The following PREX1 variants were observed in gnomAD, a reference collection of about 807,000 sequenced individuals.
PREX1 encodes the protein phosphatidylinositol-3,4,5-trisphosphate dependent Rac exchange factor 1, also known as phosphatidylinositol 3,4,5-trisphosphate-dependent Rac exchanger 1 protein.
PREX1 carries 41 observed loss-of-function variants against 198.3 expected under a neutral mutation model. That is an observed-to-expected ratio of 0.21 (90% CI 0.16 to 0.27). The LOEUF is 0.27. PREX1 is among the 10% of genes least tolerant of loss of function. The pLI, the probability that PREX1 is intolerant of heterozygous loss-of-function variation, is 1.00. For missense variants in PREX1, 1,620 were observed against 2,200.7 expected (o/e 0.74, Z 5.28); for synonymous variants, 843 against 887.2 (o/e 0.95, Z 0.89).
chr20:48,826,623 G>A (rs982646031), intron 1 of PREX1, among the ~76,000 whole-genome samples: 7 of 152,188 alleles, frequency 4.6e-5, no homozygotes, highest in Non-Finnish European at 7.4e-5. Context: ...TGGAGGCCGA[G>A]GTCGGCGGAT....
the PREX1 span, among the ~76,000 whole-genome samples, chr20:48,853,647 C>T: frequency 3.3e-5 from 5 of 152,122 alleles, no homozygotes; most frequent in South Asian, 4.1e-4. Context: ...CCTTGGTACA[C>T]CATGCACACA....
At chr20:48,864,828 TG>T in the PREX1 span, among the ~76,000 whole-genome samples, 1 of 152,214 alleles carries the variant, frequency 6.6e-6, no homozygotes, top group African/African-American at 2.4e-5. Context: ...GTGGTCCCTG[TG>T]GACCAGGGGG....
At chr20:48,852,048 A>AT in the PREX1 span, among the ~76,000 whole-genome samples, 160 of 146,202 alleles carry the variant, frequency 1.1e-3, no homozygotes, top group African/African-American at 3.4e-3. Flanking sequence ...GTCTGCACCT[A>AT]TTTTTTTTTT....
At chr20:48,857,337 CATA>C in the PREX1 span, among the ~76,000 whole-genome samples, 1 of 152,170 alleles carries the variant, frequency 6.6e-6, no homozygotes, top group Admixed American at 6.5e-5. Flanking sequence ...TATAAGATAA[CATA>C]ATGAGAAAGG....
chr20:48,627,785 T>C lies in PREX1; in HGVS notation c.4869+76A>G. ...TCTGGGGCTGGTGGCTACCAGCCCCTCATCCCACCCTGGCTGCAAGCATGC... is the reference window on the plus strand; with the variant it reads ...TCTGGGGCTGGTGGCTACCAGCCCCCCATCCCACCCTGGCTGCAAGCATGC... On this transcript the variant is annotated intron_variant, in intron 38 of 39. Coordinates refer to ENST00000371941, the MANE Select transcript of PREX1 (RefSeq NM_020820.4). 2.1e-6 allele frequency: 3 copies of C among 1,462,654 alleles called. No homozygotes were observed. In the South Asian group the frequency reaches 3.6e-5, roughly 18 times the overall value. 90.6% of individuals were successfully genotyped at this position (1,462,654 alleles called of 1,614,324 possible).
Position 48,651,444 on chromosome 20 carries a change from C to A in PREX1, c.2607G>T (p.Val869=). 1 of 1,613,670 alleles carries A rather than the reference C, an allele frequency of 6.2e-7. No individual in the cohort carries two copies. Residue 869 remains valine, a synonymous_variant, in exon 22 of 40, where the codon GTG becomes GTT. Transcript: ENST00000371941. ...CGCGGGGCTCCACGATCTTCTCCAG[C>A]ACATGGCACCTGACGCCTGCCGTGC... ...YVSTAGVRCH[V]LEKIVEPRGC...
At chr20:48,704,133 G>A (rs2089890499) in intron 6 of PREX1, among the ~76,000 whole-genome samples, 1 of 152,258 alleles carries the variant, frequency 6.6e-6, no homozygotes, top group Admixed American at 6.5e-5. Context: ...CAGATGAGGA[G>A]ACCGAGGCAC....
At chr20:48,772,529 GAC>G (rs1266813416) in intron 1 of PREX1, among the ~76,000 whole-genome samples, 1 of 152,222 alleles carries the variant, frequency 6.6e-6, no homozygotes, top group Non-Finnish European at 1.5e-5. Context: ...CCAACCACGG[GAC>G]ACAGACCCAG....
intron 5 of PREX1, among the ~76,000 whole-genome samples, chr20:48,715,041 A>C (rs1759563002): frequency 6.6e-6 from 1 of 152,224 alleles, no homozygotes. Context: ...CTGTACTAAT[A>C]AATCAGAATA....
At chr20:48,885,133 C>T in the PREX1 span, among the ~76,000 whole-genome samples, 71 of 152,206 alleles carry the variant, frequency 4.7e-4, 1 homozygote, top group Admixed American at 1.2e-3. Flanking sequence ...TGAGTTAACG[C>T]ATATAAAGAA....
At chr20:48,670,034 C>T (rs1601062884) in intron 14 of PREX1, among the ~76,000 whole-genome samples, 1 of 152,334 alleles carries the variant, frequency 6.6e-6, no homozygotes, top group East Asian at 1.9e-4. Flanking sequence ...GAGACAATCA[C>T]TCTTATTAAC....
At chr20:48,679,317 G>C (rs746513958) in intron 13 of PREX1, 43 bp downstream of exon 13, 26 of 1,567,462 alleles carry the variant, frequency 1.7e-5, no homozygotes, top group Non-Finnish European at 1.8e-6. Context: ...ACACAGCTGA[G>C]AAGAGGTAGA....
intron 30 of PREX1, 36 bp from the exon 31 acceptor site, chr20:48,637,788 TG>T: frequency 1.3e-6 from 2 of 1,539,626 alleles, no homozygotes; most frequent in Non-Finnish European, 1.8e-6. Flanking sequence ...GGGGACGGGC[TG>T]GGAGGGGGCA....
rs529669244 is a variant in PREX1, at chr20:48,631,796, G to A, written c.4526+481C>T. Among the ~76,000 whole-genome samples the A allele has an allele frequency of 8.3e-4, 127 of 152,202 alleles. 1 individual carries two copies. The highest frequency in any genetic ancestry group is 1.4e-3 in the Non-Finnish European group (94 of 67,982). Reference sequence around the variant, plus strand: ...TGCAGAACTTAGAAGCTGCCTCCCAGAACCTGTGGTTCCTCCTGGTGATAC... The same window carrying A: ...TGCAGAACTTAGAAGCTGCCTCCCAAAACCTGTGGTTCCTCCTGGTGATAC... On this transcript the variant is annotated intron_variant, in intron 35 of 39. Coordinates refer to ENST00000371941, the MANE Select transcript of PREX1 (RefSeq NM_020820.4).
intron 1 of PREX1, among the ~76,000 whole-genome samples, chr20:48,794,407 A>G (rs2090351318): frequency 6.6e-6 from 1 of 152,238 alleles, no homozygotes; most frequent in Non-Finnish European, 1.5e-5. Context: ...AGAGCTAACC[A>G]GGACAATGAA....
chr20:48,711,893 G>A (rs2089933389), intron 5 of PREX1, among the ~76,000 whole-genome samples: 3 of 152,204 alleles, frequency 2.0e-5, no homozygotes, highest in Non-Finnish European at 4.4e-5. Context: ...TTCCTTGGCT[G>A]GAATGTGGGC....
At chr20:48,762,823 C>T (rs961350601) in intron 1 of PREX1, among the ~76,000 whole-genome samples, 15 of 152,078 alleles carry the variant, frequency 9.9e-5, no homozygotes, top group African/African-American at 3.4e-4. Flanking sequence ...CTGCCTCAAC[C>T]TCCCAAGTAG....
chr20:48,797,029 C>T (rs1439237048), intron 1 of PREX1, among the ~76,000 whole-genome samples: 1 of 151,956 alleles, frequency 6.6e-6, no homozygotes, highest in Non-Finnish European at 1.5e-5. Context: ...TTATTATAAG[C>T]TCACCAAGCC....
chr20:48,713,857 T>TAAAAAAAAAAAAAAAAAAAAAAAAA (rs71337452), intron 5 of PREX1, among the ~76,000 whole-genome samples: 1 of 81,736 alleles, frequency 1.2e-5, no homozygotes. Context: ...CCCAGAACTA[T>TAAAAAAAAAAAAAAAAAAAAAAAAA]AAAAAAAAAA....
Sources: allele counts gnomAD v4.1 joint callset (sites outside exome capture counted in the v4.1 genomes callset), GRCh38; gene constraint gnomAD v4.1.1; transcripts MANE v1.5; gene names NCBI Gene and HGNC (gene_info 2026-07-23, HGNC 2026-07-21).